Variants in RNF180 observed in about 807,000 individuals in gnomAD.
RNF180 encodes ring finger protein 180, also known as E3 ubiquitin-protein ligase RNF180.
In RNF180, 38 loss-of-function variants were observed where a neutral mutation model predicts 59.2. The observed-to-expected ratio is 0.64, with a 90% confidence interval of 0.50 to 0.84. The LOEUF is 0.84. Among genes scored for constraint, RNF180 ranks in the 40% least tolerant of loss-of-function variants. The pLI, the probability that RNF180 is intolerant of heterozygous loss-of-function variation, is 0.00. For missense variants in RNF180, 705 were observed against 700.9 expected, an observed-to-expected ratio of 1.01 and a Z score of -0.07; for synonymous variants, 262 against 240.3, an observed-to-expected ratio of 1.09 and a Z score of -0.84.
chr5:64,317,862 T>C (rs1160456076), intron 5 of RNF180, among the ~76,000 whole-genome samples: 1 of 152,222 alleles, frequency 6.6e-6, no homozygotes, highest in African/African-American at 2.4e-5. Flanking sequence ...AAGTGTTGCT[T>C]AGCCTAGCCT....
intron 4 of RNF180, among the ~76,000 whole-genome samples, chr5:64,217,023 C>A (rs1415709613): frequency 6.6e-5 from 10 of 152,124 alleles, no homozygotes; most frequent in African/African-American, 2.4e-4. Context: ...TCCCTGAAAA[C>A]CACTGATGTG....
intron 7 of RNF180, among the ~76,000 whole-genome samples, chr5:64,335,193 G>C (rs1194613787): frequency 6.6e-6 from 1 of 151,978 alleles, no homozygotes; most frequent in Non-Finnish European, 1.5e-5. Context: ...TTTTCTGTTG[G>C]TTGTATTTTT....
At chr5:64,184,870 G>T (rs1224308459) in intron 1 of RNF180, among the ~76,000 whole-genome samples, 1 of 152,088 alleles carries the variant, frequency 6.6e-6, no homozygotes, top group African/African-American at 2.4e-5. Context: ...TAAACCCAGG[G>T]CTGAGTCTTT....
chr5:64,362,072 AATTT>A (rs1746276889), intron 7 of RNF180, among the ~76,000 whole-genome samples: 1 of 151,512 alleles, frequency 6.6e-6, no homozygotes. Context: ...ACTTAAATTT[AATTT>A]ATTGATTAAA....
At chr5:64,322,602 CGTGTGTGTGTGT>C (rs76117470) in intron 5 of RNF180, among the ~76,000 whole-genome samples, 6,686 of 143,464 alleles carry the variant, frequency 0.047, 505 homozygotes, top group African/African-American at 0.15. Flanking sequence ...TATATATATA[CGTGTGTGTGTGT>C]GTGTGTGTGT....
chr5:64,165,597 A>G (rs1749578350), upstream of RNF180, among the ~76,000 whole-genome samples: 1 of 152,170 alleles, frequency 6.6e-6, no homozygotes, highest in South Asian at 2.1e-4. Context: ...TGGTAAGGGG[A>G]TGACAAGGGA....
At chr5:64,282,028 G>A (rs551952402) in intron 5 of RNF180, among the ~76,000 whole-genome samples, 32 of 152,124 alleles carry the variant, frequency 2.1e-4, no homozygotes, top group Admixed American at 1.8e-3. Context: ...GAGGATTTTT[G>A]CATCCGTGTT....
At chr5:64,183,796 A>G (rs1750739144) in intron 1 of RNF180, among the ~76,000 whole-genome samples, 4 of 152,196 alleles carry the variant, frequency 2.6e-5, no homozygotes, top group African/African-American at 4.8e-5. Context: ...GCATAGTAAC[A>G]TATAGTTATC....
At chr5:64,193,871 A>G (rs963855883) in intron 1 of RNF180, among the ~76,000 whole-genome samples, 19 of 152,174 alleles carry the variant, frequency 1.2e-4, no homozygotes, top group African/African-American at 4.6e-4. Context: ...GGGCCCAATA[A>G]TAAGAGTTGT....
chr5:64,348,477 C>T (rs1001932723), intron 7 of RNF180, among the ~76,000 whole-genome samples: 1 of 152,022 alleles, frequency 6.6e-6, no homozygotes, highest in African/African-American at 2.4e-5. Context: ...ATACAAACAA[C>T]TGGTGGCCAT....
At chr5:64,214,554 T>C in intron 4 of RNF180, 37 bp downstream of exon 4, 1 of 1,567,416 alleles carries the variant, frequency 6.4e-7, no homozygotes, top group Non-Finnish European at 8.7e-7. Flanking sequence ...AAAATCTGTA[T>C]TATAAATACT....
At chr5:64,257,592 G>A (rs1050850628) in intron 5 of RNF180, among the ~76,000 whole-genome samples, 1 of 152,158 alleles carries the variant, frequency 6.6e-6, no homozygotes, top group African/African-American at 2.4e-5. Context: ...ATGTGCTGCT[G>A]AATTCGGTTT....
chr5:64,222,004 C>A (rs1448199264), intron 5 of RNF180, among the ~76,000 whole-genome samples: 1 of 151,746 alleles, frequency 6.6e-6, no homozygotes, highest in Non-Finnish European at 1.5e-5. Flanking sequence ...TTTGTTGTTT[C>A]AGAATCTCAT....
At chr5:64,191,859 A>G (rs1352186794) in intron 1 of RNF180, among the ~76,000 whole-genome samples, 1 of 152,202 alleles carries the variant, frequency 6.6e-6, no homozygotes, top group South Asian at 2.1e-4. Context: ...AATTCAAGAA[A>G]TGCTTTCCAA....
intron 1 of RNF180, 75 bp from the exon 2 acceptor site, chr5:64,200,733 T>C: frequency 2.4e-6 from 3 of 1,259,640 alleles, no homozygotes; most frequent in African/African-American, 1.5e-5. Flanking sequence ...TTGTAGCTAA[T>C]GCCATGTTAA....
chr5:64,278,220 T>C (rs1458118780), intron 5 of RNF180, among the ~76,000 whole-genome samples: 1 of 152,146 alleles, frequency 6.6e-6, no homozygotes, highest in Non-Finnish European at 1.5e-5. Flanking sequence ...GCCTGCACTT[T>C]TAACGTAATG....
intron 7 of RNF180, among the ~76,000 whole-genome samples, chr5:64,360,996 C>G (rs746606864): frequency 3.3e-5 from 5 of 151,640 alleles, no homozygotes; most frequent in Non-Finnish European, 7.4e-5. Context: ...TGGAGACACT[C>G]TGTCTTCCGA....
At chr5:64,339,582 C>G (rs1745277696) in intron 7 of RNF180, among the ~76,000 whole-genome samples, 1 of 152,086 alleles carries the variant, frequency 6.6e-6, no homozygotes, top group African/African-American at 2.4e-5. Context: ...AAGAAATTTA[C>G]TTCTCAGCTT....
At chr5:64,258,241 AC>A (rs1487741237) in intron 5 of RNF180, among the ~76,000 whole-genome samples, 1 of 152,174 alleles carries the variant, frequency 6.6e-6, no homozygotes, top group Non-Finnish European at 1.5e-5. Flanking sequence ...GTATGTAGAG[AC>A]CAAAACTAAA....
Sources: allele counts gnomAD v4.1 joint callset (sites outside exome capture counted in the v4.1 genomes callset), GRCh38; gene constraint gnomAD v4.1.1; transcripts MANE v1.5; gene names NCBI Gene and HGNC (gene_info 2026-07-23, HGNC 2026-07-21).